The following PKNOX2 variants were observed in gnomAD, a reference collection of about 807,000 sequenced individuals.
PKNOX2 encodes homeobox protein PKNOX2.
In PKNOX2, 14 loss-of-function variants were observed where a neutral mutation model predicts 53.1. The ratio of observed to expected loss-of-function variants is 0.26; its 90% CI spans 0.17 to 0.41. PKNOX2 has a LOEUF of 0.41. PKNOX2 is among the 10% of genes least tolerant of loss of function. PKNOX2 has a pLI of 1.00. For synonymous variants in PKNOX2, 257 were observed against 242.8 expected, an observed-to-expected ratio of 1.06 and a Z score of -0.54; for missense variants, 496 against 602.8, an observed-to-expected ratio of 0.82 and a Z score of 1.85.
At position 125,370,731 on chromosome 11, in the gene PKNOX2, C is replaced by T. The variant is rs550748126; in HGVS notation, c.227+2746C>T. On this transcript the variant is annotated intron_variant, in intron 5 of 12. Transcript: ENST00000298282. This position sits in a 1 kb window ranked among gnomAD's most constrained non-coding sequence, Gnocchi z 4.1. ...GCCGCCCTCTCTGCAGCCATTGCCC[C>T]GGGATGACCAGGGAGGGAGCTCAGC... Among the ~76,000 whole-genome samples, 29 of 152,360 alleles carry T rather than the reference C, an allele frequency of 1.9e-4. No homozygotes were observed. Among genetic ancestry groups the T allele is most frequent in the Admixed American group, 9.1e-4 (14 of 15,312 alleles).
At chr11:125,205,880 A>T (rs914431333) in intron 1 of PKNOX2, among the ~76,000 whole-genome samples, 1 of 152,160 alleles carries the variant, frequency 6.6e-6, no homozygotes, top group Admixed American at 6.5e-5. Flanking sequence ...GAAAAGTAAC[A>T]ATAAAAGTTA....
chr11:125,252,963 C>T (rs141702549), intron 2 of PKNOX2, among the ~76,000 whole-genome samples: 5 of 152,342 alleles, frequency 3.3e-5, no homozygotes, highest in African/African-American at 7.2e-5. Context: ...ACAACTCATA[C>T]CAAGGCCTTC....
At chr11:125,361,415 A>G (rs1457105195) in intron 4 of PKNOX2, among the ~76,000 whole-genome samples, 1 of 152,180 alleles carries the variant, frequency 6.6e-6, no homozygotes, top group Admixed American at 6.5e-5. Context: ...TTTTCAGATG[A>G]GAAACCTGAA....
chr11:125,226,713 G>A (rs972051915), intron 1 of PKNOX2, among the ~76,000 whole-genome samples: 13 of 150,430 alleles, frequency 8.6e-5, no homozygotes, highest in South Asian at 6.3e-4. Context: ...AACTAGGAGC[G>A]TAGATACTCT....
chr11:125,199,713 G>A (rs978934340), intron 1 of PKNOX2, among the ~76,000 whole-genome samples: 1 of 150,912 alleles, frequency 6.6e-6, no homozygotes, highest in African/African-American at 2.5e-5. Context: ...AGATGTGGTG[G>A]CAGGTGCCTG....
In PKNOX2 at chr11:125,367,954, C is replaced by A. The variant is rs1275178279; in HGVS notation, c.196C>A (p.Gln66Lys). 1.2e-6 allele frequency: 2 copies of A among 1,613,130 alleles called. No individual in the cohort carries two copies. Among genetic ancestry groups the A allele is most frequent in the Non-Finnish European group, 1.7e-6 (2 of 1,179,614 alleles). ...VPSAPIDPQA[Q>K]LEADKRAVYR... is the part of the protein sequence containing the mutation. ...CAGTGCCCCCATCGACCCCCAGGCC[C>A]AGCTGGAGGCTGACAAGCGAGCTGT... The change falls in exon 5 of 13, where the codon CAG becomes AAG. Residue 66 changes from glutamine to lysine, a missense_variant. Gln to Lys is a moderately conservative substitution (Grantham distance 53, BLOSUM62 1). Coordinates refer to ENST00000298282, the MANE Select transcript of PKNOX2 (RefSeq NM_001382323.2).
chr11:125,400,168 G>C (rs149344330), intron 7 of PKNOX2, among the ~76,000 whole-genome samples: 2 of 152,126 alleles, frequency 1.3e-5, no homozygotes, highest in Admixed American at 6.5e-5. Context: ...TGGTGGGTGT[G>C]GGGGAGGGGG....
chr11:125,407,545 A>C (rs1362179200), intron 7 of PKNOX2, among the ~76,000 whole-genome samples: 1 of 152,142 alleles, frequency 6.6e-6, no homozygotes, highest in Non-Finnish European at 1.5e-5. Flanking sequence ...CAAACAAGGG[A>C]TTGAGAAGTC....
intron 2 of PKNOX2, among the ~76,000 whole-genome samples, chr11:125,270,394 G>A (rs1418980738): frequency 1.3e-5 from 2 of 152,198 alleles, no homozygotes; most frequent in African/African-American, 2.4e-5. Flanking sequence ...CTGCCTCTAT[G>A]TGTCATCTCA....
chr11:125,218,304 C>G (rs2135484106), intron 1 of PKNOX2, among the ~76,000 whole-genome samples: 2 of 151,512 alleles, frequency 1.3e-5, no homozygotes, highest in East Asian at 3.9e-4. Context: ...TCAAGGAACT[C>G]ATGGGGAAGT....
chr11:125,415,165 G>A (rs1370142104), intron 10 of PKNOX2, among the ~76,000 whole-genome samples: 3 of 151,806 alleles, frequency 2.0e-5, no homozygotes, highest in African/African-American at 7.3e-5. Context: ...GGATTTATGA[G>A]GTCTTGCACC....
chr11:125,366,614 C>A (rs912027919), intron 4 of PKNOX2, among the ~76,000 whole-genome samples: 2 of 152,078 alleles, frequency 1.3e-5, no homozygotes, highest in Non-Finnish European at 2.9e-5. Context: ...GGCAGAGGGG[C>A]TGTATGGTAC....
chr11:125,388,429 A>G (rs1401777793), intron 6 of PKNOX2, among the ~76,000 whole-genome samples: 1 of 152,150 alleles, frequency 6.6e-6, no homozygotes, highest in Non-Finnish European at 1.5e-5. Context: ...ACATAAAATG[A>G]GAGACCCCAA....
At position 125,322,629 on chromosome 11, in the gene PKNOX2, C is replaced by A. The variant is rs553591394; in HGVS notation, c.-129-9190C>A. 2.5e-3 allele frequency among the ~76,000 whole-genome samples: 377 copies of A among 152,290 alleles called. 2 individuals are homozygous for A. The highest frequency in any genetic ancestry group is 8.7e-3 in the African/African-American group (362 of 41,570). ...CCAGAACTCCCCATGGATGATGACA[C>A]CCTCACTGCTGAATCACTGTGGCAG... On this transcript the variant is annotated intron_variant, in intron 2 of 12. Transcript: ENST00000298282.
intron 4 of PKNOX2, among the ~76,000 whole-genome samples, chr11:125,355,646 G>T (rs978466916): frequency 3.3e-5 from 5 of 152,216 alleles, no homozygotes; most frequent in African/African-American, 1.2e-4. Flanking sequence ...GCCATAGTGG[G>T]CCTGGCTGTC....
In PKNOX2 at chr11:125,360,132, G is replaced by A. The variant is rs1249654964; in HGVS notation, c.88-7714G>A. Among the ~76,000 whole-genome samples, 8 of 149,202 alleles carry A rather than the reference G, an allele frequency of 5.4e-5. No individual in the cohort carries two copies. The East Asian group carries it at 1.6e-3, about 30-fold the overall frequency. On this transcript the variant is annotated intron_variant, in intron 4 of 12. Transcript: ENST00000298282. ...TTGCACTCCAGCCTGGGCAACAAGA[G>A]CGAAACTCCATCTCAAAAAAAAAAA...
intron 1 of PKNOX2, among the ~76,000 whole-genome samples, chr11:125,168,153 G>A (rs76665705): frequency 0.018 from 2,785 of 152,296 alleles, 32 homozygotes; most frequent in Non-Finnish European, 0.027. Flanking sequence ...GCTTTGCCTC[G>A]CGTTTAGTAA....
At chr11:125,420,959 T>G (rs2049889045) in intron 10 of PKNOX2, among the ~76,000 whole-genome samples, 1 of 152,098 alleles carries the variant, frequency 6.6e-6, no homozygotes, top group African/African-American at 2.4e-5. Context: ...CATGGACCCC[T>G]CCCGACTTGA....
intron 2 of PKNOX2, among the ~76,000 whole-genome samples, chr11:125,272,671 G>T (rs1057085939): frequency 6.6e-6 from 1 of 152,178 alleles, no homozygotes; most frequent in Non-Finnish European, 1.5e-5. Flanking sequence ...CGTAAAGAGG[G>T]CACAGGGACA....
Sources: gnomAD v4.1 joint callset for allele counts (sites outside exome capture counted in the v4.1 genomes callset) on GRCh38, gnomAD v4.1.1 for gene constraint, Gnocchi (gnomAD v3.1) non-coding constraint, MANE v1.5 for transcripts, NCBI Gene and HGNC (gene_info 2026-07-23, HGNC 2026-07-21) for gene names.